The following MSANTD2 variants were observed in gnomAD, a reference collection of about 807,000 sequenced individuals.
The protein encoded by MSANTD2 is Myb/SANT DNA binding domain containing 2, also known as myb/SANT-like DNA-binding domain-containing protein 2.
MSANTD2 carries 19 observed loss-of-function variants against 52.6 expected under a neutral mutation model. The observed-to-expected ratio is 0.36, with a 90% CI of 0.25 to 0.53. The LOEUF (loss-of-function observed/expected upper bound fraction) is 0.53. Ranked by LOEUF, MSANTD2 falls within the 20% of genes least tolerant of loss-of-function variation. MSANTD2 has a pLI of 0.91. For missense variants in MSANTD2, 558 were observed against 716.3 expected (o/e 0.78, Z 2.52); for synonymous variants, 291 against 289.7 (o/e 1.00, Z -0.04).
intron 1 of MSANTD2, among the ~76,000 whole-genome samples, chr11:124,776,692 G>A (rs1329184874): frequency 6.6e-6 from 1 of 152,128 alleles, no homozygotes; most frequent in Non-Finnish European, 1.5e-5. Context: ...AATCTAGATG[G>A]GTAAAAGGAA....
At chr11:124,780,419 T>C (rs1272532265) in intron 1 of MSANTD2, among the ~76,000 whole-genome samples, 1 of 152,056 alleles carries the variant, frequency 6.6e-6, no homozygotes, top group Non-Finnish European at 1.5e-5. Flanking sequence ...AAAAGAAAAA[T>C]GTAGCAAACT....
At chr11:124,776,446 C>T (rs563949981) in intron 1 of MSANTD2, among the ~76,000 whole-genome samples, 7 of 152,302 alleles carry the variant, frequency 4.6e-5, no homozygotes, top group Admixed American at 2.0e-4. Context: ...TACAGGCATG[C>T]GCCACCCTGC....
At chr11:124,789,001 G>A (rs573571636) in intron 1 of MSANTD2, among the ~76,000 whole-genome samples, 1 of 152,072 alleles carries the variant, frequency 6.6e-6, no homozygotes, top group East Asian at 1.9e-4. Context: ...GCAGGGTTTT[G>A]TCAGTTTTGT....
chr11:124,791,731 T>A, intron 1 of MSANTD2: 1 of 823,554 alleles, frequency 1.2e-6, no homozygotes, highest in South Asian at 1.5e-5. Context: ...CCACAGAGAC[T>A]GGGGTGAAAA....
chr11:124,784,167 A>C, intron 1 of MSANTD2: 1 of 985,368 alleles, frequency 1.0e-6, no homozygotes, highest in African/African-American at 1.7e-5. Flanking sequence ...GAAAAAAAAA[A>C]AATCAGTTGT....
chr11:124,800,273 TG>T lies in MSANTD2; in HGVS notation c.107del (p.Pro36HisfsTer144). 6.4e-7 allele frequency: 1 copy of T among 1,569,216 alleles called. No individual in the cohort carries two copies. The highest frequency in any genetic ancestry group is 1.8e-5 in the Admixed American group (1 of 54,536). On this transcript the variant is annotated frameshift_variant, in exon 1 of 4. Transcript: ENST00000374979. LOFTEE classifies it high-confidence loss of function. This position sits in a 1 kb window ranked among gnomAD's most constrained non-coding sequence, Gnocchi z 4.3. ...ASPGGLSDGN[P>X]SLSDPSTPRG... ...GAGGCGTGGAAGGGTCGGACAGCGATGGATTTCCGTCGCTCAGGCCACCAGG... is the reference window on the plus strand; with the variant it reads ...GAGGCGTGGAAGGGTCGGACAGCGATGATTTCCGTCGCTCAGGCCACCAGG...
rs954477924 is a variant in MSANTD2 at position 124,779,089 on chromosome 11, C to G, written c.511-4115G>C. On this transcript the variant is annotated intron_variant, in intron 1 of 3. Coordinates refer to ENST00000374979, the MANE Select transcript of MSANTD2 (RefSeq NM_001308027.2). The surrounding 1 kb of genome is among the most constrained non-coding windows in gnomAD (Gnocchi z 4.6). Reference sequence around the variant, plus strand: ...GGTGGCTCTTCCTCTCTATTCAGCACCGGTGAGGCCACAGCTGGAGCACAG... The same window carrying G: ...GGTGGCTCTTCCTCTCTATTCAGCAGCGGTGAGGCCACAGCTGGAGCACAG... 1 of 152,198 alleles carries G rather than the reference C, an allele frequency of 6.6e-6. No individual in the cohort carries two copies. 9.4% of individuals were successfully genotyped at this position (152,198 alleles called of 1,614,324 possible). A position where few individuals can be genotyped will look rare whatever the true frequency, so the allele number is the denominator to read the frequency against.
At position 124,767,507 on chromosome 11, in the gene MSANTD2, C is replaced by G; in HGVS notation, c.1349G>C (p.Gly450Ala). 1.2e-6 allele frequency: 2 copies of G among 1,614,184 alleles called. No homozygotes were observed. Among genetic ancestry groups the G allele is most frequent in the Non-Finnish European group, 1.7e-6 (2 of 1,180,020 alleles). The change falls in exon 4 of 4, where the codon GGC becomes GCC. Residue 450 changes from glycine to alanine, a missense_variant. Physicochemically the swap from Gly to Ala is moderately conservative, Grantham distance 60. Coordinates refer to ENST00000374979, the MANE Select transcript of MSANTD2 (RefSeq NM_001308027.2). This position sits in a 1 kb window ranked among gnomAD's most constrained non-coding sequence, Gnocchi z 6.5. ...TGAAAGGGTTTCCAGGTCAACCCGG[C>G]CCTCTTTTCCTGGGTCCAGGGAACT... is the stretch of plus-strand genomic sequence containing the variant. ...EQSSLDPGKE[G>A]RVDLETLSAQ...
chr11:124,788,081 CAAA>C (rs113281012), intron 1 of MSANTD2, among the ~76,000 whole-genome samples: 13 of 107,548 alleles, frequency 1.2e-4, no homozygotes, highest in African/African-American at 1.0e-4. Flanking sequence ...GACCCTGTCT[CAAA>C]AAAAAAAAAA....
At chr11:124,788,977 T>A (rs2135263208) in intron 1 of MSANTD2, among the ~76,000 whole-genome samples, 1 of 152,350 alleles carries the variant, frequency 6.6e-6, no homozygotes, top group South Asian at 2.1e-4. Flanking sequence ...TACCAAAATG[T>A]AAGCTCTTTG....
At chr11:124,788,993 AG>A (rs1393816790) in intron 1 of MSANTD2, among the ~76,000 whole-genome samples, 1 of 152,198 alleles carries the variant, frequency 6.6e-6, no homozygotes, top group East Asian at 1.9e-4. Flanking sequence ...CTTTGAAGGC[AG>A]GGTTTTGTCA....
chr11:124,793,494 C>T lies in MSANTD2; in HGVS notation c.510+6377G>A, dbSNP rs1945395929. 2.0e-5 allele frequency among the ~76,000 whole-genome samples: 3 copies of T among 152,136 alleles called. No individual in the cohort carries two copies. The South Asian group carries it at 6.2e-4, about 31-fold the overall frequency. On this transcript the variant is annotated intron_variant, in intron 1 of 3. Coordinates refer to ENST00000374979, the MANE Select transcript of MSANTD2 (RefSeq NM_001308027.2). ...TACACAAGCAAAAAGTCTGAACACC[C>T]ATTATTCAAAAGCTGTTCTGGCCAA...
intron 3 of MSANTD2, among the ~76,000 whole-genome samples, chr11:124,772,686 G>A (rs1944570474): frequency 7.3e-6 from 1 of 137,466 alleles, no homozygotes; most frequent in Admixed American, 8.5e-5. Context: ...GCAGTGAGCA[G>A]AGATTGCACC....
At chr11:124,778,402 T>G (rs1295312125) in intron 1 of MSANTD2, among the ~76,000 whole-genome samples, 1 of 152,158 alleles carries the variant, frequency 6.6e-6, no homozygotes, top group Non-Finnish European at 1.5e-5. Flanking sequence ...TATTCACAAT[T>G]AGAGATTGTA....
chr11:124,790,914 T>C (rs1426293065), intron 1 of MSANTD2: 2 of 230,906 alleles, frequency 8.7e-6, no homozygotes, highest in East Asian at 1.2e-4. Context: ...GGAGTTTCAA[T>C]AGGTTCAGTC....
intron 1 of MSANTD2, among the ~76,000 whole-genome samples, chr11:124,786,330 T>A (rs938812624): frequency 2.0e-5 from 3 of 152,212 alleles, no homozygotes; most frequent in Non-Finnish European, 4.4e-5. Flanking sequence ...TATGCTGATA[T>A]GTTTTGTTTG....
chr11:124,791,775 G>A (rs901863440), intron 1 of MSANTD2: 1 of 604,922 alleles, frequency 1.7e-6, no homozygotes, highest in Non-Finnish European at 3.0e-6. Context: ...TGGGGAGGAG[G>A]AGGATGTGGG....
rs1480975034 is a variant in MSANTD2, at chr11:124,800,095, C to T, written c.286G>A (p.Ala96Thr). 6.7e-6 allele frequency: 10 copies of T among 1,482,330 alleles called. No individual in the cohort carries two copies. Among genetic ancestry groups the T allele is most frequent in the Non-Finnish European group, 3.6e-6 (4 of 1,126,254 alleles). The allele number at this position is 1,482,330 out of a possible 1,614,324, so 91.8% of individuals were successfully genotyped here. A position where few individuals can be genotyped will look rare whatever the true frequency, so the allele number is the denominator to read the frequency against. ...GGGGGAAAAA[A>T]AACRGMSWTP... ...CACGACATGCCCCGGCAGGCGGCGG[C>T]GGCGGCTGCCGCAGCCCCGCCACCG... The change falls in exon 1 of 4, where the codon GCC becomes ACC. Residue 96 changes from alanine (A) to threonine (T), a missense_variant. By Grantham distance (58) the Ala-to-Thr change is moderately conservative. This residue lies in a region of MSANTD2 where 150 missense variants were observed against 142.7 expected (regional missense o/e 1.05). Transcript: ENST00000374979. This position sits in a 1 kb window ranked among gnomAD's most constrained non-coding sequence, Gnocchi z 4.3.
intron 1 of MSANTD2, chr11:124,790,104 G>GT (rs1268104157): frequency 6.6e-6 from 1 of 152,158 alleles, no homozygotes; most frequent in Non-Finnish European, 1.5e-5. Flanking sequence ...CTACGTTAAC[G>GT]TAACACTAGG....
Sources: gnomAD v4.1 joint callset for allele counts (sites outside exome capture counted in the v4.1 genomes callset) on GRCh38, gnomAD v4.1.1 for gene constraint, gnomAD v4.1.1 regional missense constraint, Gnocchi (gnomAD v3.1) non-coding constraint, MANE v1.5 for transcripts, NCBI Gene and HGNC (gene_info 2026-07-23, HGNC 2026-07-21) for gene names.